CYSTM1: variants seen among roughly 807,000 people sequenced by gnomAD.
CYSTM1 encodes cysteine rich transmembrane module containing 1.
A neutral mutation model predicts 13.1 loss-of-function variants in CYSTM1; 4 were observed. The observed-to-expected ratio is 0.31, with a 90% CI of 0.15 to 0.70. The LOEUF (loss-of-function observed/expected upper bound fraction) is 0.70. Among genes scored for constraint, CYSTM1 ranks in the 30% least tolerant of loss-of-function variants. The pLI, the probability that CYSTM1 is intolerant of heterozygous loss-of-function variation, is 0.72. For missense variants in CYSTM1, 96 were observed against 121.6 expected (o/e 0.79, Z 0.99); for synonymous variants, 36 against 42.7 (o/e 0.84, Z 0.62).
chr5:140,182,950 T>C (rs570802109), intron 1 of CYSTM1, among the ~76,000 whole-genome samples: 1 of 152,338 alleles, frequency 6.6e-6, no homozygotes, highest in South Asian at 2.1e-4. Flanking sequence ...TGCTGCTCCC[T>C]CAGAGGGTCA....
intron 2 of CYSTM1, among the ~76,000 whole-genome samples, chr5:140,215,395 A>C (rs1764414103): frequency 6.6e-6 from 1 of 152,052 alleles, no homozygotes; most frequent in Non-Finnish European, 1.5e-5. Flanking sequence ...GTGAGGACCA[A>C]GTCCAGAGCG....
rs1036280056 is a variant in CYSTM1, at chr5:140,214,582, C to A, written c.187+19930C>A. 3.3e-5 allele frequency among the ~76,000 whole-genome samples: 5 copies of A among 152,064 alleles called. 1 individual carries two copies. The highest frequency in any genetic ancestry group is 3.3e-4 in the Admixed American group (5 of 15,256). On this transcript the variant is annotated intron_variant, in intron 2 of 2. Transcript: ENST00000261811. The stretch of plus-strand genomic sequence containing the variant: ...CTTCATTGTTCTTAGGCCCCTTTCA[C>A]CCAGGAGCAGCCTGGTTTTCTGCTT...
chr5:140,175,509 G>A lies in CYSTM1; in HGVS notation c.-21+224G>A, dbSNP rs1763869413. ...CCCGGCGCCCCGCGGCTACTCTGGG[G>A]CTCCTGGTCGCCGCGCCGCGCGTCT... On this transcript the variant is annotated intron_variant, in intron 1 of 2. Coordinates refer to ENST00000261811, the MANE Select transcript of CYSTM1 (RefSeq NM_032412.4). This position sits in a 1 kb window ranked among gnomAD's most constrained non-coding sequence, Gnocchi z 4.9. Among the ~76,000 whole-genome samples, 2 of 151,260 alleles carry A rather than the reference G, an allele frequency of 1.3e-5. No individual in the cohort carries two copies. The highest frequency in any genetic ancestry group is 3.0e-5 in the Non-Finnish European group (2 of 67,712).
Position 140,239,047 on chromosome 5 carries a change from C to T in CYSTM1, c.188-4258C>T, listed in dbSNP as rs1270413756. ...CAAGAAGGCTGCAGGCATCAGAACC[C>T]TCTGGGAGGCTCTGGTCTTTCTGTT... On this transcript the variant is annotated intron_variant, in intron 2 of 2. Transcript: ENST00000261811. This position sits in a 1 kb window ranked among gnomAD's most constrained non-coding sequence, Gnocchi z 5.4. Among the ~76,000 whole-genome samples the T allele has an allele frequency of 6.6e-6, 1 of 152,196 alleles. No individual in the cohort carries two copies. The highest frequency in any genetic ancestry group is 1.5e-5 in the Non-Finnish European group (1 of 68,036).
intron 2 of CYSTM1, among the ~76,000 whole-genome samples, chr5:140,213,329 AAC>A (rs1301676004): frequency 1.3e-5 from 2 of 152,234 alleles, no homozygotes; most frequent in Non-Finnish European, 2.9e-5. Flanking sequence ...ATAAAGAAAA[AAC>A]AGTTTTGTTT....
At chr5:140,179,038 C>T (rs1014939038) in intron 1 of CYSTM1, among the ~76,000 whole-genome samples, 3 of 151,386 alleles carry the variant, frequency 2.0e-5, no homozygotes, top group African/African-American at 7.3e-5. Context: ...GCAAGAGGAT[C>T]GCTTGAGCCC....
intron 2 of CYSTM1, among the ~76,000 whole-genome samples, chr5:140,195,438 G>GC (rs1764141972): frequency 8.3e-6 from 1 of 120,728 alleles, no homozygotes; most frequent in East Asian, 2.7e-4. Flanking sequence ...AGCCCTTTCA[G>GC]CTTTTTTTTT....
At chr5:140,199,380 A>G (rs1034897075) in intron 2 of CYSTM1, among the ~76,000 whole-genome samples, 2 of 152,214 alleles carry the variant, frequency 1.3e-5, no homozygotes, top group Non-Finnish European at 2.9e-5. Context: ...AGGAATTACC[A>G]CACTGTCTTC....
intron 2 of CYSTM1, among the ~76,000 whole-genome samples, chr5:140,206,133 G>A (rs922212924): frequency 5.3e-5 from 8 of 152,042 alleles, no homozygotes; most frequent in Admixed American, 3.9e-4. Context: ...TTTTGCCCTT[G>A]CCATGCCTTT....
chr5:140,229,307 G>A (rs767264102), intron 2 of CYSTM1, among the ~76,000 whole-genome samples: 2 of 151,936 alleles, frequency 1.3e-5, no homozygotes, highest in African/African-American at 4.8e-5. Flanking sequence ...CAATTCTTGT[G>A]CCTCAGCCTC....
chr5:140,212,562 C>A (rs1314279614), intron 2 of CYSTM1, among the ~76,000 whole-genome samples: 3 of 152,142 alleles, frequency 2.0e-5, no homozygotes, highest in African/African-American at 7.2e-5. Flanking sequence ...CCACCTCAGC[C>A]TCCCAAGTAG....
chr5:140,200,089 T>C (rs185958247), intron 2 of CYSTM1: 1 of 115,370 alleles, frequency 8.7e-6, no homozygotes, highest in Non-Finnish European at 2.0e-5. Flanking sequence ...GGGATGATGA[T>C]AGTTTCTTTT....
intron 2 of CYSTM1, among the ~76,000 whole-genome samples, chr5:140,218,033 A>G (rs1253600053): frequency 2.0e-5 from 3 of 152,164 alleles, no homozygotes; most frequent in African/African-American, 7.2e-5. Flanking sequence ...AAAAGTGGTG[A>G]CTGTGAGAGT....
chr5:140,215,908 A>G (rs945068606), intron 2 of CYSTM1, among the ~76,000 whole-genome samples: 1 of 152,216 alleles, frequency 6.6e-6, no homozygotes, highest in Non-Finnish European at 1.5e-5. Flanking sequence ...TGGGAGGTCA[A>G]GGTGGGTGGA....
At chr5:140,189,126 G>C (rs888028473) in intron 1 of CYSTM1, among the ~76,000 whole-genome samples, 1 of 152,172 alleles carries the variant, frequency 6.6e-6, no homozygotes, top group Non-Finnish European at 1.5e-5. Context: ...GAATGATATA[G>C]TTTGGATATT....
chr5:140,223,944 A>G (rs574217053), intron 2 of CYSTM1, among the ~76,000 whole-genome samples: 182 of 152,280 alleles, frequency 1.2e-3, no homozygotes, highest in African/African-American at 4.2e-3. Flanking sequence ...TCGACCCCCA[A>G]AGGCTGAGGG....
chr5:140,208,213 G>A (rs1764321320), intron 2 of CYSTM1, among the ~76,000 whole-genome samples: 1 of 152,086 alleles, frequency 6.6e-6, no homozygotes, highest in South Asian at 2.1e-4. Flanking sequence ...GCAGATGACT[G>A]GATTTTAAAA....
chr5:140,194,753 C>T, intron 2 of CYSTM1, 101 bp downstream of exon 2: 1 of 1,417,108 alleles, frequency 7.1e-7, no homozygotes, highest in Non-Finnish European at 9.5e-7. Context: ...GCCTTTGCAA[C>T]TTGTGCTTGA....
intron 2 of CYSTM1, among the ~76,000 whole-genome samples, chr5:140,198,237 G>A (rs976476382): frequency 6.6e-6 from 1 of 152,228 alleles, no homozygotes; most frequent in African/African-American, 2.4e-5. Context: ...CAGAAAGGTT[G>A]TTTCAGTTAT....
Sources: allele counts gnomAD v4.1 joint callset (sites outside exome capture counted in the v4.1 genomes callset), GRCh38; gene constraint gnomAD v4.1.1; non-coding constraint Gnocchi (gnomAD v3.1); transcripts MANE v1.5; gene names NCBI Gene and HGNC (gene_info 2026-07-23, HGNC 2026-07-21).